KLHL1: variants seen among roughly 807,000 people sequenced by gnomAD.
The protein encoded by KLHL1 is kelch like family member 1, also known as kelch-like protein 1.
In KLHL1, 47 loss-of-function variants were observed where a neutral mutation model predicts 77.7. That is an observed-to-expected ratio of 0.60 (90% CI 0.48 to 0.77). The LOEUF (loss-of-function observed/expected upper bound fraction) is 0.77, where lower values mean the gene tolerates loss of function less well. KLHL1 is among the 30% of genes least tolerant of loss of function. KLHL1 has a pLI of 0.00. For missense variants in KLHL1, 925 were observed against 910.8 expected (o/e 1.02, Z -0.20); for synonymous variants, 360 against 325.2 (o/e 1.11, Z -1.15).
intron 3 of KLHL1, among the ~76,000 whole-genome samples, chr13:69,945,375 A>C (rs566673511): frequency 6.6e-6 from 1 of 151,954 alleles, no homozygotes; most frequent in South Asian, 2.1e-4. Flanking sequence ...TAGACTTCAT[A>C]TAATTCCCTG....
intron 5 of KLHL1, among the ~76,000 whole-genome samples, chr13:69,857,924 T>C (rs1409400387): frequency 6.6e-6 from 1 of 151,900 alleles, no homozygotes; most frequent in East Asian, 1.9e-4. Flanking sequence ...GTGCCACAGA[T>C]ATATATTTTA....
At chr13:69,946,646 G>A (rs940579918) in intron 3 of KLHL1, among the ~76,000 whole-genome samples, 8 of 152,076 alleles carry the variant, frequency 5.3e-5, no homozygotes. Flanking sequence ...CCACGTAGGT[G>A]AGATTACAGG....
intron 6 of KLHL1, among the ~76,000 whole-genome samples, chr13:69,832,985 A>C (rs1010449902): frequency 3.3e-5 from 5 of 152,184 alleles, no homozygotes; most frequent in Non-Finnish European, 5.9e-5. Context: ...CTAAGACGTA[A>C]AGTCACTAAA....
Position 69,707,744 on chromosome 13 carries a change from T to C in KLHL1, c.2068A>G (p.Arg690Gly). ...AGGAGACAGACCCCAACAGCATCTC[T>C]GGGCATACTCAAAGGAGCCACCATG... ...WTMVAPLSMP[R>G]DAVGVCLLGD... is the part of the protein sequence containing the mutation. Residue 690 changes from arginine to glycine, a missense_variant, in exon 10 of 11, where the codon AGA (arginine) becomes GGA (glycine). Physicochemically the swap from Arg to Gly is moderately radical, Grantham distance 125 (BLOSUM62 -2). Transcript: ENST00000377844. The C allele has an allele frequency of 6.2e-7, 1 of 1,612,912 alleles. No homozygotes were observed. Among genetic ancestry groups the C allele is most frequent in the East Asian group, 2.2e-5 (1 of 44,848 alleles).
chr13:70,019,568 A>C (rs2439666), intron 1 of KLHL1, among the ~76,000 whole-genome samples: 82,802 of 151,940 alleles, frequency 0.54, 22,823 homozygotes, highest in Non-Finnish European at 0.58. Context: ...CTGCTAAATT[A>C]TTTGCATATA....
chr13:69,849,324 G>A (rs1409900977), intron 5 of KLHL1, among the ~76,000 whole-genome samples: 1 of 151,398 alleles, frequency 6.6e-6, no homozygotes, highest in African/African-American at 2.4e-5. Flanking sequence ...ATTTAGATGA[G>A]TATGCCAAAA....
chr13:69,882,618 C>T (rs1881044619), intron 4 of KLHL1, 123 bp from the exon 5 acceptor site: 12 of 656,952 alleles, frequency 1.8e-5, no homozygotes, highest in Admixed American at 8.4e-5. Flanking sequence ...CCTTGAGACT[C>T]GATCCTTCAG....
At chr13:69,763,013 A>G (rs1331697836) in intron 7 of KLHL1, among the ~76,000 whole-genome samples, 3 of 152,114 alleles carry the variant, frequency 2.0e-5, no homozygotes, top group African/African-American at 4.8e-5. Flanking sequence ...AGAAATTGCC[A>G]GGAAACATTT....
intron 7 of KLHL1, among the ~76,000 whole-genome samples, chr13:69,743,826 A>C: frequency 7.8e-5 from 2 of 25,714 alleles, no homozygotes; most frequent in East Asian, 4.6e-3. Flanking sequence ...AAAAAACAGA[A>C]AAAAAAAAAA....
At chr13:69,989,592 A>G (rs937820115) in intron 1 of KLHL1, among the ~76,000 whole-genome samples, 1 of 151,948 alleles carries the variant, frequency 6.6e-6, no homozygotes, top group Non-Finnish European at 1.5e-5. Flanking sequence ...CTATCCAAGG[A>G]TATGAAATAT....
chr13:69,925,790 C>T (rs1429782920), intron 4 of KLHL1, among the ~76,000 whole-genome samples: 1 of 152,084 alleles, frequency 6.6e-6, no homozygotes, highest in African/African-American at 2.4e-5. Context: ...ACTTATATTA[C>T]CATCATGTTG....
chr13:69,774,051 A>G (rs963733998), intron 7 of KLHL1, among the ~76,000 whole-genome samples: 6 of 151,878 alleles, frequency 4.0e-5, no homozygotes, highest in Non-Finnish European at 8.8e-5. Flanking sequence ...AATAATGTTG[A>G]CCTTTCTTAA....
chr13:69,771,922 C>T (rs1055199898), intron 7 of KLHL1, among the ~76,000 whole-genome samples: 9 of 151,930 alleles, frequency 5.9e-5, no homozygotes, highest in African/African-American at 2.2e-4. Flanking sequence ...TGTAGTATTG[C>T]AAGACTTATC....
intron 5 of KLHL1, among the ~76,000 whole-genome samples, chr13:69,858,553 C>T (rs1880012516): frequency 1.3e-5 from 2 of 151,982 alleles, no homozygotes; most frequent in Non-Finnish European, 2.9e-5. Flanking sequence ...TTGAAATGAA[C>T]ATTTATCATG....
At chr13:69,834,803 T>A (rs542096167) in intron 6 of KLHL1, among the ~76,000 whole-genome samples, 192 of 152,232 alleles carry the variant, frequency 1.3e-3, no homozygotes, top group Non-Finnish European at 2.2e-3. Context: ...TTTGAATATT[T>A]GCTAATAATC....
chr13:69,888,398 TAAGTTA>T (rs1273395123), intron 4 of KLHL1, among the ~76,000 whole-genome samples: 2 of 152,138 alleles, frequency 1.3e-5, no homozygotes, highest in Non-Finnish European at 2.9e-5. Flanking sequence ...TATAGTTGAT[TAAGTTA>T]AGAAAAAGTC....
chr13:69,839,350 T>C (rs1007936918), intron 5 of KLHL1, among the ~76,000 whole-genome samples, 188 bp from the exon 6 acceptor site: 1 of 151,918 alleles, frequency 6.6e-6, no homozygotes, highest in South Asian at 2.1e-4. Context: ...AGAGACAGAA[T>C]GGATATTATT....
At chr13:69,979,870 T>C (rs1373590039) in intron 1 of KLHL1, among the ~76,000 whole-genome samples, 1 of 152,198 alleles carries the variant, frequency 6.6e-6, no homozygotes, top group African/African-American at 2.4e-5. Context: ...ACCATAGCTA[T>C]ACTATTCTAT....
intron 5 of KLHL1, among the ~76,000 whole-genome samples, chr13:69,840,232 A>AT (rs960299129): frequency 5.3e-5 from 8 of 151,178 alleles, no homozygotes; most frequent in East Asian, 2.0e-4. Flanking sequence ...ACACAGTATA[A>AT]TTTTTTTTTG....
Sources: gnomAD v4.1 joint callset for allele counts (sites outside exome capture counted in the v4.1 genomes callset) on GRCh38, gnomAD v4.1.1 for gene constraint, MANE v1.5 for transcripts, NCBI Gene and HGNC (gene_info 2026-07-23, HGNC 2026-07-21) for gene names.